MAPK8IP3: variants seen among roughly 807,000 people sequenced by gnomAD.
MAPK8IP3 encodes the protein C-Jun-amino-terminal kinase-interacting protein 3.
In MAPK8IP3, 49 loss-of-function variants were observed where a neutral mutation model predicts 157.8. That is an observed-to-expected ratio of 0.31 (90% confidence interval 0.25 to 0.39). The LOEUF (loss-of-function observed/expected upper bound fraction) is 0.39. Among genes scored for constraint, MAPK8IP3 ranks in the 10% least tolerant of loss-of-function variants. The pLI is 1.00. For synonymous variants in MAPK8IP3, 897 were observed against 777.7 expected (o/e 1.15, Z -2.55); for missense variants, 1,478 against 1,889.4 (o/e 0.78, Z 4.04).
At position 1,729,595 on chromosome 16, in the gene MAPK8IP3, G is replaced by T. The variant is rs1335328225; in HGVS notation, c.602+17G>T. 6.3e-7 allele frequency: 1 copy of T among 1,577,480 alleles called. No homozygotes were observed. The highest frequency in any genetic ancestry group is 8.6e-7 in the Non-Finnish European group (1 of 1,158,912). ...GGGGCGGAGGTACGCGGGGCGCGGC[G>T]GGGTGGAGGTACGCGGGGCGCGGCG... On this transcript the variant is annotated intron_variant, in intron 4 of 31. Transcript: ENST00000610761.
Position 1,763,798 on chromosome 16 carries a change from T to TGCGGGGACCGGGCGGGGCCCCGCAGAG in MAPK8IP3, c.2025+22_2025+48dup, listed in dbSNP as rs1221610351. On this transcript the variant is annotated intron_variant, in intron 17 of 31. Coordinates refer to ENST00000610761, the MANE Select transcript of MAPK8IP3 (RefSeq NM_001318852.2). ...AGTACAAGCAGGTGCGGGCGGGCGC[T>TGCGGGGACCGGGCGGGGCCCCGCAGAG]GCGGGGACCGGGCGGGGCCCCGCAG... is the stretch of plus-strand genomic sequence containing the variant. 9 of 1,251,642 alleles carry TGCGGGGACCGGGCGGGGCCCCGCAGAG rather than the reference T, an allele frequency of 7.2e-6. No individual in the cohort carries two copies. In the Admixed American group the frequency reaches 1.8e-4, roughly 25 times the overall value. 77.5% of individuals were successfully genotyped at this position (1,251,642 alleles called of 1,614,324 possible). A position where few individuals can be genotyped will look rare whatever the true frequency, so the allele number is the denominator to read the frequency against.
chr16:1,763,047 T>G (rs757000364), intron 16 of MAPK8IP3, 41 bp downstream of exon 16: 4 of 1,608,812 alleles, frequency 2.5e-6, no homozygotes, highest in Non-Finnish European at 3.4e-6. Flanking sequence ...TGCAATGGGG[T>G]TGGGGAGGCC....
rs190928162 is a variant in MAPK8IP3, at chr16:1,763,643, A to G, written c.1899-14A>G. Reference sequence around the variant, plus strand: ...ACCCTGGACAGAGACATCACCCATCATTCTTCCACTCAGCGACTGCACGTC... The same window carrying G: ...ACCCTGGACAGAGACATCACCCATCGTTCTTCCACTCAGCGACTGCACGTC... On this transcript the variant is annotated splice_polypyrimidine_tract_variant and intron_variant, in intron 16 of 31. Coordinates refer to ENST00000610761, the MANE Select transcript of MAPK8IP3 (RefSeq NM_001318852.2). The G allele has an allele frequency of 6.1e-4, 942 of 1,545,590 alleles. 8 individuals carry two copies. In the Admixed American group the frequency reaches 8.9e-3, roughly 15 times the overall value.
intron 4 of MAPK8IP3, among the ~76,000 whole-genome samples, chr16:1,730,709 G>A (rs190186438): frequency 7.2e-5 from 11 of 152,274 alleles, no homozygotes; most frequent in East Asian, 3.9e-4. Context: ...CGGGTGTGGT[G>A]GCGGGCGCCT....
chr16:1,755,557 C>G (rs1033493942), intron 8 of MAPK8IP3, among the ~76,000 whole-genome samples: 5 of 151,938 alleles, frequency 3.3e-5, no homozygotes, highest in African/African-American at 1.2e-4. Context: ...GATAGTAGAA[C>G]TGGAAAAGGG....
chr16:1,764,354 C>A lies in MAPK8IP3; in HGVS notation c.2175C>A (p.Asp725Glu). 1 of 1,581,492 alleles carries A rather than the reference C, an allele frequency of 6.3e-7. No individual in the cohort carries two copies. Among genetic ancestry groups the A allele is most frequent in the Non-Finnish European group, 8.6e-7 (1 of 1,165,140 alleles). The part of the protein sequence containing the change: ...NLSGWRPNED[D>E]AGNGVKPAPG... ...GCGGGTGGAGGCCCAATGAGGACGA[C>A]GCTGGGAATGGAGTCAAGCCAGCGC... Residue 725 changes from aspartate (D) to glutamate (E), a missense_variant, in exon 19 of 32, where the codon GAC (aspartate) becomes GAA (glutamate). Physicochemically the swap from Asp to Glu is conservative, Grantham distance 45 (BLOSUM62 2). Transcript: ENST00000610761.
chr16:1,721,903 GGGACTACA>G (rs1156618694), intron 1 of MAPK8IP3, among the ~76,000 whole-genome samples: 4 of 152,052 alleles, frequency 2.6e-5, no homozygotes, highest in African/African-American at 9.7e-5. Flanking sequence ...CCGAGTAGCT[GGGACTACA>G]GGCGCCCGCC....
At position 1,751,016 on chromosome 16, in the gene MAPK8IP3, A is replaced by G. The variant is rs532236099; in HGVS notation, c.1216+2296A>G. Among the ~76,000 whole-genome samples, 1 of 152,332 alleles carries G rather than the reference A, an allele frequency of 6.6e-6. No homozygotes were observed. The highest frequency in any genetic ancestry group is 1.9e-4 in the East Asian group (1 of 5,180). ...GCCCACAGAGGTATGACACATGTGTACGCAGAACACACAGTGTCAGGTCGC... is the reference window on the plus strand; with the variant it reads ...GCCCACAGAGGTATGACACATGTGTGCGCAGAACACACAGTGTCAGGTCGC... On this transcript the variant is annotated intron_variant, in intron 8 of 31. Coordinates refer to ENST00000610761, the MANE Select transcript of MAPK8IP3 (RefSeq NM_001318852.2). This position sits in a 1 kb window ranked among gnomAD's most constrained non-coding sequence, Gnocchi z 5.0.
At chr16:1,721,959 C>T (rs973551589) in intron 1 of MAPK8IP3, among the ~76,000 whole-genome samples, 1 of 151,476 alleles carries the variant, frequency 6.6e-6, no homozygotes, top group Non-Finnish European at 1.5e-5. Context: ...TTAGTAGAAA[C>T]GGGGTTTCAC....
At chr16:1,737,493 A>G (rs2040067628) in intron 4 of MAPK8IP3, among the ~76,000 whole-genome samples, 1 of 76,062 alleles carries the variant, frequency 1.3e-5, no homozygotes, top group Non-Finnish European at 2.5e-5. Flanking sequence ...CGTCCGTGTG[A>G]GCGTCCGTGT....
At chr16:1,736,454 G>A (rs1296343492) in intron 4 of MAPK8IP3, among the ~76,000 whole-genome samples, 4 of 54,626 alleles carry the variant, frequency 7.3e-5, no homozygotes, top group Non-Finnish European at 1.3e-4. Flanking sequence ...CCGTGTGAGC[G>A]TGTGACCATC....
rs773241221 is a variant in MAPK8IP3, at chr16:1,766,388, C to G, written c.2798C>G (p.Ser933Cys). 2 of 1,611,142 alleles carry G rather than the reference C, an allele frequency of 1.2e-6. No individual in the cohort carries two copies. The highest frequency in any genetic ancestry group is 2.7e-5 in the African/African-American group (2 of 74,926). ...HVFTDPAPTPSSGPQPGSENG... is the reference protein window; with the variant it reads ...HVFTDPAPTPCSGPQPGSENG... ...TTCACTGACCCAGCCCCGACCCCGTCCTCTGGCCCCCAGCCTGGCAGGTGA... is the reference window on the plus strand; with the variant it reads ...TTCACTGACCCAGCCCCGACCCCGTGCTCTGGCCCCCAGCCTGGCAGGTGA... Residue 933 changes from serine to cysteine, a missense_variant, in exon 22 of 32, where the codon TCC becomes TGC. This residue lies in a region of MAPK8IP3 where 669 missense variants were observed against 759.8 expected (regional missense o/e 0.88). Coordinates refer to ENST00000610761, the MANE Select transcript of MAPK8IP3 (RefSeq NM_001318852.2).
chr16:1,706,308 AGCGAGCC>A lies in MAPK8IP3; in HGVS notation c.-28_-22del, dbSNP rs1296534760. ...GGAGGGCCGGGCGCGCCGGCCGGAT[AGCGAGCC>A]GCGCTGGCGGCGGCGGTGGCCGCGA... On this transcript the variant is annotated 5_prime_UTR_variant, in exon 1 of 32. Coordinates refer to ENST00000610761, the MANE Select transcript of MAPK8IP3 (RefSeq NM_001318852.2). The surrounding 1 kb of genome is among the most constrained non-coding windows in gnomAD (Gnocchi z 5.1). 2.0e-6 allele frequency: 3 copies of A among 1,517,348 alleles called. No individual in the cohort carries two copies. The highest frequency in any genetic ancestry group is 2.6e-6 in the Non-Finnish European group (3 of 1,133,366). The allele number at this position is 1,517,348 out of a possible 1,614,324, so 94.0% of individuals were successfully genotyped here. A position where few individuals can be genotyped will look rare whatever the true frequency, so the allele number is the denominator to read the frequency against.
intron 1 of MAPK8IP3, among the ~76,000 whole-genome samples, chr16:1,711,021 C>T (rs547306745): frequency 2.6e-5 from 4 of 152,338 alleles, no homozygotes; most frequent in South Asian, 2.1e-4. Context: ...GCCCCTCTGC[C>T]GCTCCGCTGC....
chr16:1,748,400 C>T (rs2041097375), intron 7 of MAPK8IP3, 54 bp downstream of exon 7: 34 of 1,487,690 alleles, frequency 2.3e-5, no homozygotes, highest in South Asian at 1.3e-4. Context: ...TTATCCAAGT[C>T]GGTGTCTTTG....
chr16:1,764,269 G>A (rs961595850), intron 18 of MAPK8IP3, 32 bp from the exon 19 acceptor site: 6 of 1,589,854 alleles, frequency 3.8e-6, no homozygotes, highest in Admixed American at 1.8e-5. Flanking sequence ...GGGGAGTGCC[G>A]GTGACACCCG....
intron 11 of MAPK8IP3, 24 bp downstream of exon 11, chr16:1,760,039 G>A (rs1322841306): frequency 1.2e-6 from 2 of 1,613,616 alleles, no homozygotes; most frequent in South Asian, 1.1e-5. Flanking sequence ...TCTCCTGTGT[G>A]GTGGGGCTGA....
Position 1,755,581 on chromosome 16 carries a change from G to A in MAPK8IP3, c.1217-2567G>A, listed in dbSNP as rs1431834715. Among the ~76,000 whole-genome samples the A allele has an allele frequency of 4.6e-5, 7 of 152,258 alleles. No homozygotes were observed. In the South Asian group the frequency reaches 1.4e-3, roughly 32 times the overall value. On this transcript the variant is annotated intron_variant, in intron 8 of 31. Coordinates refer to ENST00000610761, the MANE Select transcript of MAPK8IP3 (RefSeq NM_001318852.2). ...ACTGGAAAAGGGGCCGGGTGCGGTG[G>A]CTCATGCCTGTAATCCCAGCACATT...
chr16:1,746,976 A>T (rs1338800201), intron 5 of MAPK8IP3, 53 bp from the exon 6 acceptor site: 9 of 1,585,370 alleles, frequency 5.7e-6, no homozygotes, highest in Non-Finnish European at 7.7e-6. Context: ...GCGGAGCCGC[A>T]GGCCAGGGAC....
Sources: gnomAD v4.1 joint callset for allele counts (sites outside exome capture counted in the v4.1 genomes callset) on GRCh38, gnomAD v4.1.1 for gene constraint, gnomAD v4.1.1 regional missense constraint, Gnocchi (gnomAD v3.1) non-coding constraint, MANE v1.5 for transcripts, NCBI Gene and HGNC (gene_info 2026-07-23, HGNC 2026-07-21) for gene names.